Variants in PDS5B observed in about 807,000 individuals in gnomAD.
PDS5B encodes the protein sister chromatid cohesion protein PDS5 homolog B.
A neutral mutation model predicts 184.1 loss-of-function variants in PDS5B; 51 were observed. The observed-to-expected ratio is 0.28, with a 90% CI of 0.22 to 0.35. The LOEUF (loss-of-function observed/expected upper bound fraction) is 0.35. Ranked by LOEUF, PDS5B falls within the 10% of genes least tolerant of loss-of-function variation. The probability of loss-of-function intolerance (pLI) is 1.00; values close to 1 mark genes in which losing one functional copy is unlikely to be tolerated. For missense variants in PDS5B, 1,180 were observed against 1,723.3 expected, an observed-to-expected ratio of 0.68 and a Z score of 5.58; for synonymous variants, 566 against 569.2, an observed-to-expected ratio of 0.99 and a Z score of 0.08.
intron 1 of PDS5B, among the ~76,000 whole-genome samples, chr13:32,633,163 G>A (rs2058484458): frequency 6.6e-6 from 1 of 152,140 alleles, no homozygotes; most frequent in South Asian, 2.1e-4. Context: ...GGGAAAACAG[G>A]GCATGGGATG....
At chr13:32,630,910 G>A (rs1006013023) in intron 1 of PDS5B, among the ~76,000 whole-genome samples, 1 of 150,806 alleles carries the variant, frequency 6.6e-6, no homozygotes, top group African/African-American at 2.4e-5. Context: ...TCAGCCTCCC[G>A]AGTAGCTGAG....
intron 8 of PDS5B, among the ~76,000 whole-genome samples, chr13:32,673,800 A>G (rs1192815833): frequency 6.6e-6 from 1 of 151,886 alleles, no homozygotes; most frequent in Non-Finnish European, 1.5e-5. Flanking sequence ...TTTGCTTTTT[A>G]TATAGTTGTG....
At chr13:32,619,661 A>C (rs2183875) in intron 1 of PDS5B, among the ~76,000 whole-genome samples, 2,139 of 152,312 alleles carry the variant, frequency 0.014, 38 homozygotes, top group South Asian at 0.082. Context: ...TTATGATGTC[A>C]CAAGATGATA....
At chr13:32,588,038 A>G (rs2057717755) in intron 1 of PDS5B, among the ~76,000 whole-genome samples, 1 of 152,198 alleles carries the variant, frequency 6.6e-6, no homozygotes, top group African/African-American at 2.4e-5. Context: ...GAGTTCCCAG[A>G]CAGAACGTTT....
At chr13:32,772,622 G>C (rs1028493971) in intron 33 of PDS5B, among the ~76,000 whole-genome samples, 5 of 152,158 alleles carry the variant, frequency 3.3e-5, no homozygotes, top group Non-Finnish European at 5.9e-5. Context: ...GGACAGGTAG[G>C]CAAGGACCAT....
At chr13:32,744,878 G>A (rs762350624) in intron 23 of PDS5B, among the ~76,000 whole-genome samples, 11 of 151,826 alleles carry the variant, frequency 7.2e-5, no homozygotes, top group Admixed American at 2.0e-4. Context: ...TAAATACCCC[G>A]CAGTGCTATA....
chr13:32,728,140 T>C (rs1276433671), intron 19 of PDS5B, among the ~76,000 whole-genome samples: 3 of 151,790 alleles, frequency 2.0e-5, no homozygotes, highest in African/African-American at 7.2e-5. Context: ...TTGTGTTCTT[T>C]TTTTATATTT....
At position 32,678,602 on chromosome 13, in the gene PDS5B, G is replaced by T. The variant is rs78454678; in HGVS notation, c.963-233G>T. 6.3e-3 allele frequency among the ~76,000 whole-genome samples: 952 copies of T among 152,202 alleles called. 6 individuals are homozygous for T. Among genetic ancestry groups the T allele is most frequent in the African/African-American group, 0.022 (915 of 41,528 alleles). On this transcript the variant is annotated intron_variant, in intron 9 of 34. Transcript: ENST00000315596. ...AGCCAAATGTATATGGTTTATTCAG[G>T]TTCCTTAAAATCACATAGTTCTCAC...
At chr13:32,773,713 T>C (rs1318553750) in intron 34 of PDS5B, among the ~76,000 whole-genome samples, 2 of 152,196 alleles carry the variant, frequency 1.3e-5, no homozygotes, top group African/African-American at 4.8e-5. Flanking sequence ...CAGAATAAAA[T>C]CAGCCTTTGG....
rs1950217806 is a variant in PDS5B at position 32,646,181 on chromosome 13, A to G, written c.-19-2573A>G. On this transcript the variant is annotated intron_variant, in intron 1 of 34. Coordinates refer to ENST00000315596, the MANE Select transcript of PDS5B (RefSeq NM_015032.4). ...CACTATGCTTGGCTAATTTATTTTT[A>G]TTTTTTGTAGAGATGAGGTCTCACT... Among the ~76,000 whole-genome samples, 3 of 151,646 alleles carry G rather than the reference A, an allele frequency of 2.0e-5. 1 individual carries two copies. Among genetic ancestry groups the G allele is most frequent in the African/African-American group, 7.3e-5 (3 of 41,220 alleles).
chr13:32,726,527 A>C (rs1452611211), intron 19 of PDS5B, among the ~76,000 whole-genome samples: 1 of 152,202 alleles, frequency 6.6e-6, no homozygotes, highest in African/African-American at 2.4e-5. Flanking sequence ...TGGTTACACC[A>C]CTTTGCATTC....
chr13:32,736,341 T>C (rs1953328069), intron 21 of PDS5B, among the ~76,000 whole-genome samples: 3 of 152,158 alleles, frequency 2.0e-5, no homozygotes, highest in Admixed American at 6.5e-5. Flanking sequence ...CAGTTTTTGT[T>C]TGTCTGGAAA....
At chr13:32,599,433 T>G (rs913481104) in intron 1 of PDS5B, among the ~76,000 whole-genome samples, 9 of 151,720 alleles carry the variant, frequency 5.9e-5, no homozygotes, top group Admixed American at 1.3e-4. Context: ...CCCAGCTAAT[T>G]TTTCGTATTT....
intron 12 of PDS5B, among the ~76,000 whole-genome samples, chr13:32,687,771 T>A (rs1354252628): frequency 1.3e-5 from 2 of 152,194 alleles, no homozygotes; most frequent in Non-Finnish European, 2.9e-5. Flanking sequence ...TGGACTGCAG[T>A]CATTTATTAG....
At chr13:32,741,699 C>CTGTGTGTGTGTGTGTGTGTG (rs3050179) in intron 22 of PDS5B, among the ~76,000 whole-genome samples, 9 of 139,274 alleles carry the variant, frequency 6.5e-5, no homozygotes, top group Admixed American at 1.4e-4. Flanking sequence ...CCCTTTCAGT[C>CTGTGTGTGTGTGTGTGTGTG]TGTGTGTGTG....
At chr13:32,613,971 C>T (rs1288420832) in intron 1 of PDS5B, among the ~76,000 whole-genome samples, 2 of 152,166 alleles carry the variant, frequency 1.3e-5, no homozygotes, top group East Asian at 3.8e-4. Context: ...CCTGTTCTGT[C>T]ACCGTTTGTT....
Position 32,745,538 on chromosome 13 carries a change from G to A in PDS5B, c.2613-439G>A, listed in dbSNP as rs560357423. ...TCTGTATTAGCCTGCTCAGACTGCTGTAATAAAATACCAGGCTTATAAACA... is the reference window on the plus strand; with the variant it reads ...TCTGTATTAGCCTGCTCAGACTGCTATAATAAAATACCAGGCTTATAAACA... On this transcript the variant is annotated intron_variant, in intron 23 of 34. Coordinates refer to ENST00000315596, the MANE Select transcript of PDS5B (RefSeq NM_015032.4). Among the ~76,000 whole-genome samples, 5 of 152,308 alleles carry A rather than the reference G, an allele frequency of 3.3e-5. No homozygotes were observed. The East Asian group carries it at 7.7e-4, about 24-fold the overall frequency.
intron 31 of PDS5B, 148 bp from the exon 32 acceptor site, chr13:32,769,973 A>G: frequency 1.7e-6 from 1 of 571,790 alleles, no homozygotes; most frequent in South Asian, 3.8e-5. Context: ...ATAAAAGCAA[A>G]TAAATACAGT....
chr13:32,770,462 A>G lies in PDS5B; in HGVS notation c.3966A>G (p.Pro1322=). The G allele has an allele frequency of 6.2e-7, 1 of 1,613,340 alleles. No individual in the cohort carries two copies. Among genetic ancestry groups the G allele is most frequent in the Non-Finnish European group, 8.5e-7 (1 of 1,179,846 alleles). The change falls in exon 32 of 35, where the codon CCA becomes CCG. Residue 1322 remains proline, a synonymous_variant. Transcript: ENST00000315596. Reference sequence around the variant, plus strand: ...GAAGCAAAAAAAAATCTGGACCTCCAGCACCAGAGGAGGAGGAAGAAGAAG... The same window carrying G: ...GAAGCAAAAAAAAATCTGGACCTCCGGCACCAGAGGAGGAGGAAGAAGAAG... The part of the protein sequence containing the change: ...KKGSKKKSGP[P]APEEEEEEER...
Sources: allele counts gnomAD v4.1 joint callset (sites outside exome capture counted in the v4.1 genomes callset), GRCh38; gene constraint gnomAD v4.1.1; transcripts MANE v1.5; gene names NCBI Gene and HGNC (gene_info 2026-07-23, HGNC 2026-07-21).